TTC39B: variants seen among roughly 807,000 people sequenced by gnomAD.
TTC39B encodes tetratricopeptide repeat domain 39B.
In TTC39B, 92 loss-of-function variants were observed where a neutral mutation model predicts 96.6. The ratio of observed to expected loss-of-function variants is 0.95; its 90% CI spans 0.80 to 1.13. The LOEUF (loss-of-function observed/expected upper bound fraction) is 1.13. Among genes scored for constraint, TTC39B ranks in the 50% most tolerant of loss-of-function variants. The pLI is 0.00. For synonymous variants in TTC39B, 367 were observed against 299.4 expected, an observed-to-expected ratio of 1.23 and a Z score of -2.33; for missense variants, 955 against 809.3, an observed-to-expected ratio of 1.18 and a Z score of -2.18.
chr9:15,238,254 C>T (rs974645693), intron 2 of TTC39B, among the ~76,000 whole-genome samples: 4 of 152,050 alleles, frequency 2.6e-5, no homozygotes, highest in African/African-American at 4.8e-5. Context: ...ACTGGAAGTC[C>T]GAGCCAAAGA....
At chr9:15,185,590 C>T (rs754809208) in intron 15 of TTC39B, 184 bp from the exon 16 acceptor site, 15 of 774,938 alleles carry the variant, frequency 1.9e-5, no homozygotes, top group Non-Finnish European at 2.5e-5. Flanking sequence ...ACTCCAGGGC[C>T]GGGGCCGAGC....
intron 2 of TTC39B, chr9:15,250,306 C>T (rs563482794): frequency 1.3e-6 from 1 of 746,830 alleles, no homozygotes; most frequent in Admixed American, 6.3e-5. Context: ...TCTAGAGAAA[C>T]AGGCAAGGAA....
intron 4 of TTC39B, 21 bp downstream of exon 4, chr9:15,214,118 A>G (rs1480521254): frequency 6.5e-7 from 1 of 1,546,636 alleles, no homozygotes; most frequent in South Asian, 1.1e-5. Flanking sequence ...TATTTTATCT[A>G]AAAGAGACAA....
intron 19 of TTC39B, 149 bp from the exon 20 acceptor site, chr9:15,172,258 C>G (rs1292636362): frequency 6.1e-6 from 3 of 490,542 alleles, no homozygotes; most frequent in Non-Finnish European, 1.0e-5. Context: ...GATTCTGGTT[C>G]TGTTGGGGGG....
At position 15,306,971 on chromosome 9, in the gene TTC39B, G is replaced by A. The variant is rs1184778425; in HGVS notation, c.240+113C>T. 4.5e-5 allele frequency: 66 copies of A among 1,482,586 alleles called. No homozygotes were observed. The highest frequency in any genetic ancestry group is 5.8e-5 in the Non-Finnish European group (64 of 1,103,442). 91.8% of individuals were successfully genotyped at this position (1,482,586 alleles called of 1,614,324 possible). ...ACCCGGCGCCCGCCAGCCCACCCCA[G>A]AGAGGGGACCAAGGGGGCGGGGCCT... On this transcript the variant is annotated intron_variant, in intron 1 of 19. Coordinates refer to ENST00000512701, the Ensembl canonical transcript of TTC39B. This position sits in a 1 kb window ranked among gnomAD's most constrained non-coding sequence, Gnocchi z 5.1.
chr9:15,299,428 A>G (rs572247669), intron 1 of TTC39B, among the ~76,000 whole-genome samples: 2 of 152,284 alleles, frequency 1.3e-5, no homozygotes, highest in East Asian at 3.9e-4. Flanking sequence ...AAGTCCCTTT[A>G]GAGAGGTGTG....
At chr9:15,228,380 C>A (rs1821243419) in intron 2 of TTC39B, among the ~76,000 whole-genome samples, 1 of 152,142 alleles carries the variant, frequency 6.6e-6, no homozygotes, top group South Asian at 2.1e-4. Flanking sequence ...AGGAGAATTG[C>A]TTGAACCCGG....
chr9:15,223,930 T>C (rs1820984000), intron 3 of TTC39B, among the ~76,000 whole-genome samples: 1 of 152,182 alleles, frequency 6.6e-6, no homozygotes, highest in African/African-American at 2.4e-5. Context: ...TTCTCAATTA[T>C]TTCTTATATT....
intron 9 of TTC39B, 107 bp from the exon 10 acceptor site, chr9:15,191,362 G>A (rs1818847703): frequency 8.4e-6 from 6 of 711,334 alleles, no homozygotes; most frequent in Non-Finnish European, 1.4e-5. Flanking sequence ...TGAGAAATTG[G>A]GAACAAGTTT....
chr9:15,302,945 G>A (rs538997714), intron 1 of TTC39B, among the ~76,000 whole-genome samples: 9 of 152,176 alleles, frequency 5.9e-5, no homozygotes, highest in East Asian at 1.9e-4. Flanking sequence ...TGAGGCGGCC[G>A]GATCACGAGG....
chr9:15,170,477 C>A (rs1411622664), exon 20 of TTC39B: 1 of 152,128 alleles, frequency 6.6e-6, no homozygotes, highest in African/African-American at 2.4e-5. Context: ...ATAATTCATA[C>A]TTTTGTATAG....
exon 18 of TTC39B, chr9:15,177,742 T>C (rs750376501): frequency 1.2e-6 from 2 of 1,613,736 alleles, no homozygotes; most frequent in South Asian, 1.1e-5. Context: ...CAAGGGCCGC[T>C]GTAAGTTCTT....
At chr9:15,196,030 CA>C (rs758517256) in intron 8 of TTC39B, among the ~76,000 whole-genome samples, 1 of 152,190 alleles carries the variant, frequency 6.6e-6, no homozygotes, top group Non-Finnish European at 1.5e-5. Context: ...ATAATTAAAA[CA>C]ACAAAGCCTG....
chr9:15,264,854 T>G (rs572650972), intron 2 of TTC39B, among the ~76,000 whole-genome samples: 1 of 151,884 alleles, frequency 6.6e-6, no homozygotes, highest in South Asian at 2.1e-4. Context: ...ATCAAAAGCA[T>G]CTCCATCACA....
chr9:15,264,929 G>A (rs1252130905), intron 2 of TTC39B, among the ~76,000 whole-genome samples: 1 of 152,046 alleles, frequency 6.6e-6, no homozygotes, highest in Non-Finnish European at 1.5e-5. Flanking sequence ...TAACTCGGTT[G>A]AACAAAAGAG....
intron 2 of TTC39B, among the ~76,000 whole-genome samples, chr9:15,241,203 T>G (rs1822022505): frequency 6.6e-6 from 1 of 152,198 alleles, no homozygotes. Context: ...GATTCATAAC[T>G]GTTTGAACAG....
chr9:15,181,034 G>A (rs921318378), intron 17 of TTC39B, among the ~76,000 whole-genome samples: 14 of 152,140 alleles, frequency 9.2e-5, no homozygotes, highest in Admixed American at 9.2e-4. Flanking sequence ...GGGTGGAGGA[G>A]AGTGACTTGG....
chr9:15,288,724 G>A (rs867354566), intron 1 of TTC39B, among the ~76,000 whole-genome samples: 5 of 152,228 alleles, frequency 3.3e-5, no homozygotes, highest in African/African-American at 7.2e-5. Context: ...TTAAAAGAGC[G>A]CACTGTAACA....
chr9:15,250,531 C>T (rs10810366), intron 2 of TTC39B, among the ~76,000 whole-genome samples: 73,830 of 151,940 alleles, frequency 0.49, 18,143 homozygotes, highest in East Asian at 0.72. Context: ...AGAAAATCAA[C>T]TTTTCCCCTA....
Sources: allele counts gnomAD v4.1 joint callset (sites outside exome capture counted in the v4.1 genomes callset), GRCh38; gene constraint gnomAD v4.1.1; non-coding constraint Gnocchi (gnomAD v3.1); transcripts MANE v1.5; gene names NCBI Gene and HGNC (gene_info 2026-07-23, HGNC 2026-07-21).